Variants in TASP1 observed in about 807,000 individuals in gnomAD.
TASP1 encodes the protein taspase 1, also known as threonine aspartase 1.
In TASP1, 16 loss-of-function variants were observed where a neutral mutation model predicts 56.6. The ratio of observed to expected loss-of-function variants is 0.28; its 90% CI spans 0.19 to 0.43. The LOEUF (loss-of-function observed/expected upper bound fraction) is 0.43, where lower values mean the gene tolerates loss of function less well. Among genes scored for constraint, TASP1 ranks in the 20% least tolerant of loss-of-function variants. TASP1 has a pLI of 1.00. For synonymous variants in TASP1, 179 were observed against 184.2 expected, an observed-to-expected ratio of 0.97 and a Z score of 0.23; for missense variants, 393 against 511.6, an observed-to-expected ratio of 0.77 and a Z score of 2.24.
rs1299279784 is a variant in TASP1 at position 13,435,030 on chromosome 20, T to C, written c.1096+14A>G. ...AAAATAGAAAGACACACACAATGTA[T>C]ATGTCTCACTTACCTAGAAGTGTCT... On this transcript the variant is annotated intron_variant, in intron 12 of 13. Transcript: ENST00000337743. 1 of 1,573,178 alleles carries C rather than the reference T, an allele frequency of 6.4e-7. No individual in the cohort carries two copies.
the TASP1 span, among the ~76,000 whole-genome samples, chr20:13,359,168 GAACTTCCA>G: frequency 1.4e-5 from 2 of 141,218 alleles, no homozygotes; most frequent in Admixed American, 1.4e-4. Flanking sequence ...CGGCACACAA[GAACTTCCA>G]AACACCTGAA....
the TASP1 span, among the ~76,000 whole-genome samples, chr20:13,293,974 CAAAAAAAAAAGAAAGA>C: frequency 7.1e-6 from 1 of 140,590 alleles, no homozygotes; most frequent in Non-Finnish European, 1.5e-5. Context: ...AACTCCATCT[CAAAAAAAAAAGAAAGA>C]AAAAGAAAAA....
chr20:13,171,452 G>C, the TASP1 span, among the ~76,000 whole-genome samples: 21,537 of 152,034 alleles, frequency 0.14, 1,571 homozygotes, highest in East Asian at 0.21. Context: ...ATTTTTAAGC[G>C]ATGTATTAAT....
chr20:13,625,038 C>T (rs147689466), intron 3 of TASP1, 147 bp downstream of exon 3: 86 of 510,576 alleles, frequency 1.7e-4, no homozygotes, highest in Admixed American at 2.4e-4. Flanking sequence ...CAACACAAAA[C>T]GATCCCCTAC....
At chr20:13,173,457 G>A in the TASP1 span, among the ~76,000 whole-genome samples, 1 of 152,166 alleles carries the variant, frequency 6.6e-6, no homozygotes, top group Non-Finnish European at 1.5e-5. Context: ...CACTCACCTA[G>A]TTCCTCAGGA....
chr20:13,323,923 A>C, the TASP1 span, among the ~76,000 whole-genome samples: 1 of 152,286 alleles, frequency 6.6e-6, no homozygotes, highest in African/African-American at 2.4e-5. Flanking sequence ...AATGATAAGA[A>C]ATGCATTCTT....
At chr20:13,285,301 A>T in the TASP1 span, among the ~76,000 whole-genome samples, 1 of 146,008 alleles carries the variant, frequency 6.8e-6, no homozygotes, top group South Asian at 2.1e-4. Context: ...AGCTTAAAAA[A>T]TAAAAAAGAA....
At chr20:13,556,967 G>C (rs1176630187) in intron 8 of TASP1, among the ~76,000 whole-genome samples, 1 of 151,972 alleles carries the variant, frequency 6.6e-6, no homozygotes, top group Admixed American at 6.6e-5. Context: ...AAAATGTAAG[G>C]TCTCATTAGA....
At chr20:13,352,181 G>A in the TASP1 span, among the ~76,000 whole-genome samples, 2 of 152,314 alleles carry the variant, frequency 1.3e-5, no homozygotes, top group Admixed American at 1.3e-4. Flanking sequence ...CGGGCACAGT[G>A]GCTCAAGCCT....
the TASP1 span, among the ~76,000 whole-genome samples, chr20:13,281,076 C>T: frequency 1.3e-5 from 2 of 152,210 alleles, no homozygotes; most frequent in African/African-American, 2.4e-5. Flanking sequence ...GAATTCTAAG[C>T]AACTTGCAAA....
At chr20:13,225,083 G>A in the TASP1 span, among the ~76,000 whole-genome samples, 1 of 150,784 alleles carries the variant, frequency 6.6e-6, no homozygotes, top group Admixed American at 6.6e-5. Context: ...TCACTCTCCT[G>A]ACCTCATGAT....
chr20:13,193,096 T>A, the TASP1 span, among the ~76,000 whole-genome samples: 1 of 152,150 alleles, frequency 6.6e-6, no homozygotes, highest in Admixed American at 6.6e-5. Context: ...TAAAATTTTT[T>A]CGGTATAATT....
At chr20:13,362,838 T>TATATATATATATATATATATATATATA in the TASP1 span, among the ~76,000 whole-genome samples, 49 of 145,126 alleles carry the variant, frequency 3.4e-4, no homozygotes, top group South Asian at 4.4e-4. Flanking sequence ...TATATATATA[T>TATATATATATATATATATATATATATA]TTGTCTCTCC....
At chr20:13,469,456 C>T (rs929530628) in intron 11 of TASP1, among the ~76,000 whole-genome samples, 1 of 152,166 alleles carries the variant, frequency 6.6e-6, no homozygotes, top group Non-Finnish European at 1.5e-5. Context: ...TACCCATTTC[C>T]ACTGATTCCA....
chr20:13,394,578 T>C (rs1384939526), intron 13 of TASP1, among the ~76,000 whole-genome samples: 1 of 151,746 alleles, frequency 6.6e-6, no homozygotes, highest in Non-Finnish European at 1.5e-5. Flanking sequence ...CGCCACTGCA[T>C]TCCAGCCTGG....
chr20:13,531,066 C>A (rs371246640), intron 9 of TASP1, among the ~76,000 whole-genome samples: 3 of 152,096 alleles, frequency 2.0e-5, no homozygotes, highest in East Asian at 3.9e-4. Context: ...CAGGATCATG[C>A]GAATTAACGT....
intron 11 of TASP1, among the ~76,000 whole-genome samples, chr20:13,457,268 A>G (rs1294218248): frequency 6.6e-6 from 1 of 152,128 alleles, no homozygotes; most frequent in Non-Finnish European, 1.5e-5. Context: ...CTTAAAGTAT[A>G]ATAAAAAATA....
chr20:13,111,940 T>C, the TASP1 span, among the ~76,000 whole-genome samples: 12 of 152,260 alleles, frequency 7.9e-5, no homozygotes, highest in Non-Finnish European at 1.6e-4. Flanking sequence ...TTAGTGGCCA[T>C]GCCAGGCGCC....
At chr20:13,619,145 A>T (rs6042254) in intron 4 of TASP1, among the ~76,000 whole-genome samples, 7 of 151,872 alleles carry the variant, frequency 4.6e-5, no homozygotes, top group Middle Eastern at 3.2e-3. Context: ...AGATCCGTCC[A>T]CTTCGGCCTC....
Sources: allele counts gnomAD v4.1 joint callset (sites outside exome capture counted in the v4.1 genomes callset), GRCh38; gene constraint gnomAD v4.1.1; transcripts MANE v1.5; gene names NCBI Gene and HGNC (gene_info 2026-07-23, HGNC 2026-07-21).